NOTCH1: variants seen among roughly 807,000 people sequenced by gnomAD.
NOTCH1 encodes notch receptor 1.
In NOTCH1, 37 loss-of-function variants were observed where a neutral mutation model predicts 254.8. That is an observed-to-expected ratio of 0.15 (90% confidence interval 0.11 to 0.19). The LOEUF (loss-of-function observed/expected upper bound fraction) is 0.19. Among genes scored for constraint, NOTCH1 ranks in the 10% least tolerant of loss-of-function variants. NOTCH1 has a pLI of 1.00. For synonymous variants in NOTCH1, 1,731 were observed against 1,618.1 expected (o/e 1.07, Z -1.68); for missense variants, 2,972 against 3,708.6 (o/e 0.80, Z 5.16).
At chr9:136,543,395 A>AG (rs1164973588) in intron 2 of NOTCH1, 1 of 246,258 alleles carries the variant, frequency 4.1e-6, no homozygotes, top group African/African-American at 2.5e-5. Flanking sequence ...CCGTGCCCAG[A>AG]GGAGGCATCA....
chr9:136,522,766 C>T (rs530877953), intron 4 of NOTCH1, 84 bp downstream of exon 4: 1 of 1,312,152 alleles, frequency 7.6e-7, no homozygotes, highest in African/African-American at 1.5e-5. Flanking sequence ...CCAGGGCTGC[C>T]CCTACACCAG....
intron 15 of NOTCH1, 58 bp downstream of exon 15, chr9:136,512,963 T>TCCCGCCCCTCCCACATAGGC (rs1843204856): frequency 2.0e-6 from 1 of 489,936 alleles, no homozygotes; most frequent in African/African-American, 2.6e-5. Context: ...CCAGCACAGG[T>TCCCGCCCCTCCCACATAGGC]CCCGCCCCTC....
At chr9:136,507,932 C>CT in intron 21 of NOTCH1, 23 bp downstream of exon 21, 2 of 1,611,414 alleles carry the variant, frequency 1.2e-6, no homozygotes, top group Non-Finnish European at 1.7e-6. Flanking sequence ...GGCCACAACC[C>CT]TTACCCTAGG....
chr9:136,503,045 A>G, intron 27 of NOTCH1, 137 bp downstream of exon 27: 1 of 1,312,958 alleles, frequency 7.6e-7, no homozygotes, highest in Non-Finnish European at 1.1e-6. Flanking sequence ...AAAATTCCAG[A>G]AAAGCCCTAC....
Position 136,506,554 on chromosome 9 carries a change from G to A in NOTCH1, c.3987C>T (p.Ala1329=), listed in dbSNP as rs1472192057. The part of the protein sequence containing the change: ...GGTCAVASNT[A]RGFICKCPAG... ...CAGGGCACTTGCAGATGAACCCGCG[G>A]GCGGTGTTGGAGGCCACGGCGCAGG... is the stretch of plus-strand genomic sequence containing the variant. The change falls in exon 24 of 34, where the codon GCC becomes GCT. Residue 1329 remains alanine (A), a synonymous_variant. Transcript: ENST00000651671. This position sits in a 1 kb window ranked among gnomAD's most constrained non-coding sequence, Gnocchi z 4.5. 6.2e-7 allele frequency: 1 copy of A among 1,608,778 alleles called. No individual in the cohort carries two copies. Among genetic ancestry groups the A allele is most frequent in the Non-Finnish European group, 8.5e-7 (1 of 1,178,786 alleles).
In NOTCH1 at chr9:136,531,666, C is replaced by T. The variant is rs532964785; in HGVS notation, c.141-7687G>A. 3.2e-4 allele frequency among the ~76,000 whole-genome samples: 48 copies of T among 152,328 alleles called. No individual in the cohort carries two copies. The East Asian group carries it at 6.2e-3, about 20-fold the overall frequency. On this transcript the variant is annotated intron_variant, in intron 2 of 33. Coordinates refer to ENST00000651671, the MANE Select transcript of NOTCH1 (RefSeq NM_017617.5). ...CCGATGCCCCTTCACCCACAGCACC[C>T]GCGGGGCGTCGGCACTGGTGAAAGA...
In NOTCH1 at chr9:136,546,010, C is replaced by A. The variant is rs1843812775; in HGVS notation, c.-224G>T. Among the ~76,000 whole-genome samples the A allele has an allele frequency of 6.7e-6, 1 of 149,292 alleles. No homozygotes were observed. Among genetic ancestry groups the A allele is most frequent in the Non-Finnish European group, 1.5e-5 (1 of 66,930 alleles). On this transcript the variant is annotated 5_prime_UTR_variant, in exon 1 of 34. Transcript: ENST00000651671. ...CGCGCCCGCGCCCGCGCCCCGCGCC[C>A]CGCGCCCTTGCGCTCCCTCCCGCGG...
intron 15 of NOTCH1, among the ~76,000 whole-genome samples, chr9:136,512,078 C>A (rs1843189784): frequency 6.6e-6 from 1 of 152,218 alleles, no homozygotes; most frequent in Non-Finnish European, 1.5e-5. Flanking sequence ...GAGTTTCCGA[C>A]AATTGTGCGA....
chr9:136,523,535 C>G (rs539137283), intron 3 of NOTCH1, among the ~76,000 whole-genome samples, 182 bp downstream of exon 3: 6 of 152,328 alleles, frequency 3.9e-5, no homozygotes, highest in African/African-American at 1.4e-4. Context: ...TGGGCCAGAG[C>G]AAGCAGCTGA....
intron 15 of NOTCH1, among the ~76,000 whole-genome samples, chr9:136,511,604 T>C (rs1411547091): frequency 6.6e-6 from 1 of 152,080 alleles, no homozygotes; most frequent in East Asian, 1.9e-4. Flanking sequence ...GCGGCCTCAG[T>C]CGGGTGGGCT....
intron 17 of NOTCH1, 178 bp downstream of exon 17, chr9:136,510,475 G>GT: frequency 1.3e-6 from 1 of 769,850 alleles, no homozygotes; most frequent in Non-Finnish European, 2.1e-6. Flanking sequence ...CGGCTCTGGG[G>GT]CCCTCCTGAA....
rs947184745 is a variant in NOTCH1, at chr9:136,513,517, G to A, written c.2228C>T (p.Pro743Leu). 1 of 1,613,102 alleles carries A rather than the reference G, an allele frequency of 6.2e-7. No individual in the cohort carries two copies. Among genetic ancestry groups the A allele is most frequent in the Non-Finnish European group, 8.5e-7 (1 of 1,179,974 alleles). Reference sequence around the variant, plus strand: ...GTCACAGTTGGTCCCACTCCACCCAGGGTCACAGTCGCACTTGTACCTGCA... The same window carrying A: ...GTCACAGTTGGTCCCACTCCACCCAAGGTCACAGTCGCACTTGTACCTGCA... ...SLNGYKCDCD[P>L]GWSGTNCDIN... The change falls in exon 14 of 34, where the codon CCT (proline) becomes CTT (leucine). Residue 743 changes from proline to leucine, a missense_variant. This residue lies in a region of NOTCH1 where 1,343 missense variants were observed against 1,557.0 expected (regional missense o/e 0.86). Coordinates refer to ENST00000651671, the MANE Select transcript of NOTCH1 (RefSeq NM_017617.5). This position sits in a 1 kb window ranked among gnomAD's most constrained non-coding sequence, Gnocchi z 4.7.
At position 136,523,806 on chromosome 9, in the gene NOTCH1, G is replaced by C. The variant is rs1212259128; in HGVS notation, c.314C>G (p.Ala105Gly). The C allele has an allele frequency of 6.2e-6, 10 of 1,611,808 alleles. No homozygotes were observed. Among genetic ancestry groups the C allele is most frequent in the Admixed American group, 1.7e-5 (1 of 59,924 alleles). The change falls in exon 3 of 34, where the codon GCC (alanine) becomes GGC (glycine). Residue 105 changes from alanine to glycine, a missense_variant. Physicochemically the swap from Ala to Gly is moderately conservative, Grantham distance 60. Transcript: ENST00000651671. Reference sequence around the variant, plus strand: ...GTTGCGGCAGGGGTTGGTGAGGCAGGCATTGTCCAGGGGTGTCAGGCAGAG... The same window carrying C: ...GTTGCGGCAGGGGTTGGTGAGGCAGCCATTGTCCAGGGGTGTCAGGCAGAG... Reference protein sequence around the residue: ...GPLCLTPLDNACLTNPCRNGG... With the variant: ...GPLCLTPLDNGCLTNPCRNGG...
At chr9:136,532,743 G>A (rs1446800911) in intron 2 of NOTCH1, among the ~76,000 whole-genome samples, 3 of 152,240 alleles carry the variant, frequency 2.0e-5, no homozygotes, top group African/African-American at 2.4e-5. Context: ...TAAGGAGGAG[G>A]GGAGCTCAGA....
chr9:136,513,353 G>C lies in NOTCH1; in HGVS notation c.2353+39C>G. 1 of 1,611,792 alleles carries C rather than the reference G, an allele frequency of 6.2e-7. No homozygotes were observed. The highest frequency in any genetic ancestry group is 1.7e-4 in the Middle Eastern group (1 of 5,972). On this transcript the variant is annotated intron_variant, in intron 14 of 33. Coordinates refer to ENST00000651671, the MANE Select transcript of NOTCH1 (RefSeq NM_017617.5). This position sits in a 1 kb window ranked among gnomAD's most constrained non-coding sequence, Gnocchi z 4.7. Reference sequence around the variant, plus strand: ...TGTGTCTCCAGCTCCCCAGACTCGAGGGCGGCCCTCTGCACTGAGAAACGC... The same window carrying C: ...TGTGTCTCCAGCTCCCCAGACTCGACGGCGGCCCTCTGCACTGAGAAACGC...
Position 136,513,557 on chromosome 9 carries a change from G to A in NOTCH1, c.2208-20C>T, listed in dbSNP as rs559838334. ...TTGTACCTGCAAGGGGGACCACACTGCAGGTCGAGGGAGGCCCGAGCAGCA... is the reference window on the plus strand; with the variant it reads ...TTGTACCTGCAAGGGGGACCACACTACAGGTCGAGGGAGGCCCGAGCAGCA... On this transcript the variant is annotated intron_variant, in intron 13 of 33. Coordinates refer to ENST00000651671, the MANE Select transcript of NOTCH1 (RefSeq NM_017617.5). The surrounding 1 kb of genome is among the most constrained non-coding windows in gnomAD (Gnocchi z 4.7). The A allele has an allele frequency of 6.2e-7, 1 of 1,612,584 alleles. No homozygotes were observed. Among genetic ancestry groups the A allele is most frequent in the South Asian group, 1.1e-5 (1 of 91,068 alleles).
At chr9:136,497,795 C>G (rs1842941267) in intron 33 of NOTCH1, among the ~76,000 whole-genome samples, 1 of 152,156 alleles carries the variant, frequency 6.6e-6, no homozygotes, top group South Asian at 2.1e-4. Context: ...GTGCAGTCCT[C>G]TACCCTAGAT....
At chr9:136,514,752 A>G (rs1222849381) in intron 12 of NOTCH1, 50 bp from the exon 13 acceptor site, 4 of 1,553,212 alleles carry the variant, frequency 2.6e-6, no homozygotes, top group Non-Finnish European at 3.5e-6. Flanking sequence ...AGGGGGTCCC[A>G]CCCACGTCAA....
In NOTCH1 at chr9:136,499,208, T is replaced by C. The variant is rs2133323001; in HGVS notation, c.5986A>G (p.Thr1996Ala). Residue 1996 changes from threonine (T) to alanine (A), a missense_variant, in exon 32 of 34, where the codon ACG (threonine) becomes GCG (alanine). Around this residue, in one of 8 missense-constraint regions of NOTCH1, gnomAD observed 421 missense variants for 604.4 expected, o/e 0.70. Coordinates refer to ENST00000651671, the MANE Select transcript of NOTCH1 (RefSeq NM_017617.5). ...CGGGCAGCCAGGATCAGTGGCGTCG[T>C]GCCATCATGCATGCGGGCATCCAGG... is the stretch of plus-strand genomic sequence containing the variant. ...TDLDARMHDG[T>A]TPLILAARLA... is the part of the protein sequence containing the mutation. 1 of 1,613,358 alleles carries C rather than the reference T, an allele frequency of 6.2e-7. No individual in the cohort carries two copies. Among genetic ancestry groups the C allele is most frequent in the Non-Finnish European group, 8.5e-7 (1 of 1,179,998 alleles).
Sources: allele counts gnomAD v4.1 joint callset (sites outside exome capture counted in the v4.1 genomes callset), GRCh38; gene constraint gnomAD v4.1.1; regional missense constraint gnomAD v4.1.1; non-coding constraint Gnocchi (gnomAD v3.1); transcripts MANE v1.5; gene names NCBI Gene and HGNC (gene_info 2026-07-23, HGNC 2026-07-21).